Variants in SLC35F1 observed in about 807,000 individuals in gnomAD.
SLC35F1 encodes the protein solute carrier family 35 member F1.
SLC35F1 carries 14 observed loss-of-function variants against 48.7 expected under a neutral mutation model. The observed-to-expected ratio is 0.29, with a 90% CI of 0.19 to 0.45. SLC35F1 has a LOEUF of 0.45. Ranked by LOEUF, SLC35F1 falls within the 20% of genes least tolerant of loss-of-function variation. The pLI, the probability that SLC35F1 is intolerant of heterozygous loss-of-function variation, is 1.00. For missense variants in SLC35F1, 404 were observed against 500.0 expected, an observed-to-expected ratio of 0.81 and a Z score of 1.83; for synonymous variants, 190 against 202.2, an observed-to-expected ratio of 0.94 and a Z score of 0.51.
intron 1 of SLC35F1, among the ~76,000 whole-genome samples, chr6:117,917,738 A>G (rs1359457210): frequency 1.3e-5 from 1 of 77,130 alleles, no homozygotes; most frequent in Non-Finnish European, 2.7e-5. Flanking sequence ...TGGAGTGTGG[A>G]ATTCTGGGGA....
chr6:118,241,148 G>A (rs1364570723), intron 3 of SLC35F1, among the ~76,000 whole-genome samples: 1 of 152,172 alleles, frequency 6.6e-6, no homozygotes, highest in Admixed American at 6.5e-5. Flanking sequence ...AATGTTGTAG[G>A]TAAAAGAAAA....
intron 1 of SLC35F1, among the ~76,000 whole-genome samples, chr6:117,941,003 A>G (rs1206136443): frequency 2.6e-5 from 4 of 152,160 alleles, no homozygotes; most frequent in Admixed American, 6.5e-5. Context: ...TCTTCAAAAT[A>G]CAAAATGGCA....
At chr6:117,961,185 T>TA (rs1211238740) in intron 1 of SLC35F1, among the ~76,000 whole-genome samples, 2 of 152,176 alleles carry the variant, frequency 1.3e-5, no homozygotes, top group Non-Finnish European at 2.9e-5. Flanking sequence ...GGAACCTCTA[T>TA]AATGAACTCC....
intron 1 of SLC35F1, among the ~76,000 whole-genome samples, chr6:118,009,125 T>C (rs1777212907): frequency 1.3e-5 from 2 of 152,170 alleles, no homozygotes; most frequent in Non-Finnish European, 2.9e-5. Flanking sequence ...TGTCGAATTA[T>C]TCATTTATTC....
At chr6:118,286,593 G>A (rs1776051545) in intron 7 of SLC35F1, among the ~76,000 whole-genome samples, 1 of 152,146 alleles carries the variant, frequency 6.6e-6, no homozygotes, top group South Asian at 2.1e-4. Context: ...GGCTGTGACA[G>A]CAGACAGGAA....
At chr6:117,930,603 G>T (rs1333399183) in intron 1 of SLC35F1, among the ~76,000 whole-genome samples, 1 of 152,122 alleles carries the variant, frequency 6.6e-6, no homozygotes, top group African/African-American at 2.4e-5. Flanking sequence ...AGCAGTCTTA[G>T]GGAGGTAATA....
chr6:118,098,755 A>T (rs1043042281), intron 1 of SLC35F1, among the ~76,000 whole-genome samples: 2 of 152,188 alleles, frequency 1.3e-5, no homozygotes, highest in Admixed American at 6.5e-5. Context: ...TGTGGACTTT[A>T]TGTATAATGT....
chr6:118,104,271 C>T (rs1582668177), intron 1 of SLC35F1, among the ~76,000 whole-genome samples: 1 of 152,240 alleles, frequency 6.6e-6, no homozygotes, highest in Admixed American at 6.5e-5. Context: ...GGTTCAGAGG[C>T]TGTATAACAT....
chr6:118,069,273 A>G (rs896302327), intron 1 of SLC35F1, among the ~76,000 whole-genome samples: 3 of 152,196 alleles, frequency 2.0e-5, no homozygotes, highest in African/African-American at 4.8e-5. Context: ...ATATGAAGGT[A>G]ACACTAAATT....
chr6:117,914,134 CTAT>C (rs1775798669), intron 1 of SLC35F1, among the ~76,000 whole-genome samples: 1 of 150,248 alleles, frequency 6.7e-6, no homozygotes, highest in South Asian at 2.1e-4. Flanking sequence ...ATCTATCTAT[CTAT>C]CTGTCTATCC....
chr6:118,187,007 TG>T (rs1386515761), intron 2 of SLC35F1, among the ~76,000 whole-genome samples: 1 of 152,212 alleles, frequency 6.6e-6, no homozygotes, highest in African/African-American at 2.4e-5. Context: ...CATGCCCAAC[TG>T]TCTCTCATTC....
chr6:118,082,149 A>T (rs1247149229), intron 1 of SLC35F1, among the ~76,000 whole-genome samples: 1 of 152,234 alleles, frequency 6.6e-6, no homozygotes, highest in Non-Finnish European at 1.5e-5. Context: ...ACCTTTGAAC[A>T]TTACAGATGG....
At chr6:117,923,780 T>TACAC (rs1775973151) in intron 1 of SLC35F1, among the ~76,000 whole-genome samples, 1 of 83,118 alleles carries the variant, frequency 1.2e-5, no homozygotes, top group Non-Finnish European at 2.4e-5. Flanking sequence ...CATATGTATA[T>TACAC]ATACATATAT....
intron 1 of SLC35F1, among the ~76,000 whole-genome samples, chr6:117,942,171 G>C (rs1028070043): frequency 6.6e-6 from 1 of 152,172 alleles, no homozygotes; most frequent in African/African-American, 2.4e-5. Context: ...TGTTTAAGAT[G>C]ATGCAGCTGG....
At chr6:117,966,328 A>G (rs529637787) in intron 1 of SLC35F1, among the ~76,000 whole-genome samples, 3 of 152,320 alleles carry the variant, frequency 2.0e-5, no homozygotes, top group East Asian at 1.9e-4. Context: ...CAGCGAGACC[A>G]CGAACCCACC....
chr6:118,289,503 G>A (rs1198750696), intron 7 of SLC35F1, among the ~76,000 whole-genome samples: 1 of 152,074 alleles, frequency 6.6e-6, no homozygotes, highest in Non-Finnish European at 1.5e-5. Context: ...GCAGATAAGT[G>A]CTCTTGTACA....
At chr6:118,086,469 C>A (rs898555690) in intron 1 of SLC35F1, among the ~76,000 whole-genome samples, 1 of 152,172 alleles carries the variant, frequency 6.6e-6, no homozygotes, top group Non-Finnish European at 1.5e-5. Flanking sequence ...TTATCCTTCA[C>A]CTCCCTCAAA....
At chr6:118,174,406 TA>T (rs1400604793) in intron 2 of SLC35F1, among the ~76,000 whole-genome samples, 3 of 151,562 alleles carry the variant, frequency 2.0e-5, no homozygotes, top group Non-Finnish European at 2.9e-5. Flanking sequence ...ATGCTACAAA[TA>T]AAAAACACAG....
rs1181391564 is a variant in SLC35F1, at chr6:117,997,902, A to G, written c.173+90003A>G. Among the ~76,000 whole-genome samples the G allele has an allele frequency of 2.0e-5, 3 of 152,260 alleles. 1 individual carries two copies. Among genetic ancestry groups the G allele is most frequent in the Admixed American group, 1.3e-4 (2 of 15,298 alleles). On this transcript the variant is annotated intron_variant, in intron 1 of 7. Transcript: ENST00000360388. Reference sequence around the variant, plus strand: ...AATAACCAGCTAACATCATAATGACAGGATCAAATTCACACACAACAATAT... The same window carrying G: ...AATAACCAGCTAACATCATAATGACGGGATCAAATTCACACACAACAATAT...
Sources: gnomAD v4.1 joint callset for allele counts (sites outside exome capture counted in the v4.1 genomes callset) on GRCh38, gnomAD v4.1.1 for gene constraint, MANE v1.5 for transcripts, NCBI Gene and HGNC (gene_info 2026-07-23, HGNC 2026-07-21) for gene names.